Variants in NTM observed in about 807,000 individuals in gnomAD.
The protein encoded by NTM is IgLON family member 2.
NTM carries 13 observed loss-of-function variants against 42.1 expected under a neutral mutation model. The ratio of observed to expected loss-of-function variants is 0.31; its 90% CI spans 0.20 to 0.49. The LOEUF is 0.49. NTM is among the 20% of genes least tolerant of loss of function. NTM has a pLI of 0.99. For synonymous variants in NTM, 187 were observed against 179.2 expected (o/e 1.04, Z -0.35); for missense variants, 373 against 452.8 (o/e 0.82, Z 1.60).
intron 1 of NTM, among the ~76,000 whole-genome samples, chr11:131,563,616 A>G: frequency 6.8e-6 from 1 of 147,610 alleles, no homozygotes; most frequent in South Asian, 2.2e-4. Context: ...TCAGCACAGA[A>G]ACCAAATACC....
intron 1 of NTM, among the ~76,000 whole-genome samples, chr11:131,532,498 G>T (rs1440419663): frequency 6.6e-6 from 1 of 152,100 alleles, no homozygotes; most frequent in African/African-American, 2.4e-5. Context: ...TCCACTTTGG[G>T]GCTACTGTGA....
chr11:132,318,895 A>ATGAC (rs1362289260), intron 7 of NTM, among the ~76,000 whole-genome samples: 1 of 152,026 alleles, frequency 6.6e-6, no homozygotes, highest in African/African-American at 2.4e-5. Flanking sequence ...GGGAAGGTGC[A>ATGAC]TGACAGATGA....
At chr11:131,530,756 C>T (rs2051150009) in intron 1 of NTM, among the ~76,000 whole-genome samples, 1 of 152,156 alleles carries the variant, frequency 6.6e-6, no homozygotes, top group Non-Finnish European at 1.5e-5. Flanking sequence ...TCACCCTGAC[C>T]CTAACTCCCT....
intron 1 of NTM, among the ~76,000 whole-genome samples, chr11:131,607,020 C>T (rs780629445): frequency 5.3e-5 from 8 of 152,194 alleles, no homozygotes; most frequent in East Asian, 3.8e-4. Flanking sequence ...AATCTGTTAT[C>T]GGTTTCTGGG....
At position 132,335,120 on chromosome 11, in the gene NTM, G is replaced by A. The variant is rs763290433; in HGVS notation, c.1042G>A (p.Val348Ile). Residue 348 changes from valine (V) to isoleucine (I), a missense_variant, in exon 9 of 9, where the codon GTC becomes ATC. Around this residue, in one of 3 missense-constraint regions of NTM, gnomAD observed 312 missense variants for 353.5 expected, o/e 0.88. Transcript: ENST00000683400. The part of the protein sequence containing the change: ...AGCVWLLPLL[V>I]LHLLLKF ...CTGCGTCTGGCTGCTGCCTCTTCTG[G>A]TCTTGCACCTGCTTCTCAAATTTTG... 5 of 1,612,490 alleles carry A rather than the reference G, an allele frequency of 3.1e-6. No individual in the cohort carries two copies. In the African/African-American group the frequency reaches 4.0e-5, roughly 13 times the overall value.
chr11:132,218,179 G>A (rs1384052306), intron 4 of NTM, among the ~76,000 whole-genome samples: 1 of 152,162 alleles, frequency 6.6e-6, no homozygotes, highest in Non-Finnish European at 1.5e-5. Context: ...GACTTCCTCA[G>A]CAAAGAGGAG....
chr11:131,668,082 T>C (rs1036315630), intron 1 of NTM, among the ~76,000 whole-genome samples: 4 of 152,170 alleles, frequency 2.6e-5, no homozygotes, highest in Non-Finnish European at 5.9e-5. Context: ...AGGTTAAGTA[T>C]CTTGAACAAG....
chr11:131,413,299 T>C (rs1946610278), intron 1 of NTM, among the ~76,000 whole-genome samples: 1 of 152,268 alleles, frequency 6.6e-6, no homozygotes, highest in African/African-American at 2.4e-5. Flanking sequence ...TTCCAACTGA[T>C]TGCCTTTAAA....
intron 2 of NTM, among the ~76,000 whole-genome samples, chr11:132,013,579 A>G (rs1222192816): frequency 6.6e-6 from 1 of 152,054 alleles, no homozygotes; most frequent in African/African-American, 2.4e-5. Context: ...GACAGCACCA[A>G]CTCCCCTGCT....
At chr11:131,794,673 C>G in intron 1 of NTM, 7 of 985,152 alleles carry the variant, frequency 7.1e-6, no homozygotes, top group Non-Finnish European at 8.4e-6. Flanking sequence ...CAAAACTGCA[C>G]CTTTTAGAAG....
chr11:131,661,259 G>A (rs1446323551), intron 1 of NTM: 1 of 301,578 alleles, frequency 3.3e-6, no homozygotes, highest in Non-Finnish European at 6.7e-6. Context: ...GAAGTTCCAA[G>A]TCAGAAAGGA....
intron 1 of NTM, among the ~76,000 whole-genome samples, chr11:131,574,678 G>A (rs1449161577): frequency 6.6e-6 from 1 of 152,088 alleles, no homozygotes; most frequent in African/African-American, 2.4e-5. Context: ...AGTTCCTTGG[G>A]TGAAGAAGAA....
chr11:131,988,327 T>C (rs76146443), intron 2 of NTM, among the ~76,000 whole-genome samples: 1 of 152,348 alleles, frequency 6.6e-6, no homozygotes, highest in East Asian at 1.9e-4. Flanking sequence ...TGATTAAATA[T>C]TAACCTTTCC....
intron 1 of NTM, among the ~76,000 whole-genome samples, chr11:131,835,372 T>C (rs1383014112): frequency 6.6e-6 from 1 of 151,926 alleles, no homozygotes; most frequent in South Asian, 2.1e-4. Flanking sequence ...AAAAGACTTA[T>C]CTCTAGGATG....
chr11:131,933,492 G>A (rs556588183), intron 2 of NTM, among the ~76,000 whole-genome samples: 17 of 152,228 alleles, frequency 1.1e-4, no homozygotes, highest in South Asian at 4.1e-4. Context: ...GGTACGAAAC[G>A]CACTGTTTTC....
intron 6 of NTM, among the ~76,000 whole-genome samples, chr11:132,313,247 T>C (rs2095330659): frequency 6.6e-6 from 1 of 152,182 alleles, no homozygotes; most frequent in African/African-American, 2.4e-5. Flanking sequence ...ACTGATGCCA[T>C]TGTGCGGTCC....
chr11:132,309,588 C>T (rs1202675562), intron 5 of NTM, among the ~76,000 whole-genome samples: 2 of 152,152 alleles, frequency 1.3e-5, no homozygotes, highest in Non-Finnish European at 2.9e-5. Context: ...GTCATTTCAA[C>T]TCTGTACAGA....
chr11:132,185,006 G>A (rs541239187), intron 3 of NTM, among the ~76,000 whole-genome samples: 7 of 152,212 alleles, frequency 4.6e-5, no homozygotes, highest in Non-Finnish European at 7.4e-5. Context: ...ATTTTGCTGC[G>A]ATTGTTTATA....
intron 1 of NTM, among the ~76,000 whole-genome samples, chr11:131,898,008 A>T (rs1355569638): frequency 6.6e-6 from 1 of 152,160 alleles, no homozygotes; most frequent in East Asian, 1.9e-4. Context: ...GATTCAAACC[A>T]AGCACCCTGG....
Sources: gnomAD v4.1 joint callset for allele counts (sites outside exome capture counted in the v4.1 genomes callset) on GRCh38, gnomAD v4.1.1 for gene constraint, gnomAD v4.1.1 regional missense constraint, MANE v1.5 for transcripts, NCBI Gene and HGNC (gene_info 2026-07-23, HGNC 2026-07-21) for gene names.